The following SLC71A2 variants were observed in gnomAD, a reference collection of about 807,000 sequenced individuals.
SLC71A2 encodes hippocampus abundant transcript-like 1.
the SLC71A2 span, among the ~76,000 whole-genome samples, chr9:94,401,088 C>CTT: frequency 2.8e-5 from 4 of 144,772 alleles, no homozygotes; most frequent in Non-Finnish European, 3.0e-5. Flanking sequence ...TTTTCTTTTC[C>CTT]TTTTTTTTTT....
At chr9:94,394,295 T>G in the SLC71A2 span, among the ~76,000 whole-genome samples, 1 of 99,942 alleles carries the variant, frequency 1.0e-5, no homozygotes, top group African/African-American at 3.3e-5. Flanking sequence ...TCTGGAGAGA[T>G]AACCAGTAAA....
At chr9:94,377,609 C>A in the SLC71A2 span, among the ~76,000 whole-genome samples, 1 of 150,290 alleles carries the variant, frequency 6.7e-6, no homozygotes, top group East Asian at 2.0e-4. Context: ...TCTCAAACTC[C>A]TGGGCTCAAA....
the SLC71A2 span, among the ~76,000 whole-genome samples, chr9:94,377,976 C>T: frequency 1.2e-4 from 18 of 151,994 alleles, no homozygotes; most frequent in African/African-American, 4.3e-4. Flanking sequence ...TGGTGGCAGG[C>T]GCCTGTAGTC....
chr9:94,438,403 C>T, the SLC71A2 span: 1 of 1,614,012 alleles, frequency 6.2e-7, no homozygotes, highest in Admixed American at 1.7e-5. Context: ...CTCTCCAGGG[C>T]CTGCTCTCTT....
chr9:94,420,219 C>T, the SLC71A2 span, among the ~76,000 whole-genome samples: 1 of 152,170 alleles, frequency 6.6e-6, no homozygotes, highest in Non-Finnish European at 1.5e-5. Context: ...TCACCTCCTA[C>T]AACTACCTGT....
the SLC71A2 span, chr9:94,438,591 T>C: frequency 1.3e-5 from 21 of 1,600,086 alleles, no homozygotes; most frequent in South Asian, 6.8e-5. Context: ...ATTATACTTA[T>C]ATTTGCAGAG....
chr9:94,459,078 T>G, the SLC71A2 span: 34 of 1,391,362 alleles, frequency 2.4e-5, no homozygotes, highest in African/African-American at 4.4e-5. Context: ...TGGTGGTGTG[T>G]TTTTTTTGGG....
At chr9:94,409,479 A>G in the SLC71A2 span, among the ~76,000 whole-genome samples, 13 of 151,714 alleles carry the variant, frequency 8.6e-5, no homozygotes, top group South Asian at 2.1e-4. Context: ...TTGCTTTTCT[A>G]TTCTGTATCA....
chr9:94,412,096 G>A, the SLC71A2 span, among the ~76,000 whole-genome samples: 1 of 152,100 alleles, frequency 6.6e-6, no homozygotes, highest in South Asian at 2.1e-4. Context: ...GTTTACAAAC[G>A]TTTGAATTTT....
chr9:94,444,563 C>G, the SLC71A2 span, among the ~76,000 whole-genome samples: 2 of 152,312 alleles, frequency 1.3e-5, no homozygotes, highest in Admixed American at 6.5e-5. Context: ...ATCATCAGCC[C>G]TGCAGGAATT....
chr9:94,424,250 G>A, the SLC71A2 span, among the ~76,000 whole-genome samples: 1 of 151,746 alleles, frequency 6.6e-6, no homozygotes, highest in Non-Finnish European at 1.5e-5. Flanking sequence ...GGCGGAGGGG[G>A]GAGCAATGGA....
the SLC71A2 span, among the ~76,000 whole-genome samples, chr9:94,455,170 TTTTTTTTTTTTGA>T: frequency 2.3e-4 from 23 of 100,136 alleles, no homozygotes; most frequent in Admixed American, 2.2e-3. Context: ...TTTTTTTTTT[TTTTTTTTTTTTGA>T]GAGAGAGAGG....
the SLC71A2 span, among the ~76,000 whole-genome samples, chr9:94,450,298 A>G: frequency 6.6e-6 from 1 of 152,196 alleles, no homozygotes; most frequent in Non-Finnish European, 1.5e-5. Flanking sequence ...CCAGTTTTTA[A>G]AACTTCAAAC....
the SLC71A2 span, among the ~76,000 whole-genome samples, chr9:94,418,335 T>A: frequency 1.3e-5 from 2 of 152,264 alleles, no homozygotes; most frequent in Admixed American, 1.3e-4. Context: ...GTTGTCACTT[T>A]AGTGGATTGT....
chr9:94,400,011 A>T, the SLC71A2 span, among the ~76,000 whole-genome samples: 1 of 151,928 alleles, frequency 6.6e-6, no homozygotes, highest in Non-Finnish European at 1.5e-5. Flanking sequence ...AGGTTTCCCC[A>T]TGTTGGCCAG....
At chr9:94,376,022 GA>G in the SLC71A2 span, among the ~76,000 whole-genome samples, 1 of 150,782 alleles carries the variant, frequency 6.6e-6, no homozygotes, top group Non-Finnish European at 1.5e-5. Flanking sequence ...CAGCCCAAGT[GA>G]CTCCCTATTT....
At chr9:94,399,831 G>GTTTC in the SLC71A2 span, among the ~76,000 whole-genome samples, 1 of 149,408 alleles carries the variant, frequency 6.7e-6, no homozygotes, top group Admixed American at 6.7e-5. Context: ...TTGAGATGGA[G>GTTTC]TTTCGCTTTT....
chr9:94,396,907 A>G, the SLC71A2 span, among the ~76,000 whole-genome samples: 2 of 152,150 alleles, frequency 1.3e-5, no homozygotes, highest in East Asian at 3.9e-4. Context: ...AGTAGCCAGG[A>G]TTACAGGCAT....
the SLC71A2 span, among the ~76,000 whole-genome samples, chr9:94,453,041 C>T: frequency 6.6e-6 from 1 of 151,812 alleles, no homozygotes; most frequent in Non-Finnish European, 1.5e-5. Context: ...AAAACAAAGG[C>T]CGTTTATATT....
Sources: gnomAD v4.1 joint callset for allele counts (sites outside exome capture counted in the v4.1 genomes callset) on GRCh38, gnomAD v4.1.1 for gene constraint, MANE v1.5 for transcripts, NCBI Gene and HGNC (gene_info 2026-07-23, HGNC 2026-07-21) for gene names.